The following CIMIP6 variants were observed in gnomAD, a reference collection of about 807,000 sequenced individuals.
CIMIP6 encodes the protein ciliary microtubule inner protein 6, also known as uncharacterized protein C2orf73.
the CIMIP6 span, among the ~76,000 whole-genome samples, chr2:54,359,916 A>G: frequency 1.3e-5 from 2 of 152,244 alleles, no homozygotes; most frequent in African/African-American, 2.4e-5. Flanking sequence ...ATAGTCTTAA[A>G]CAGTCCAAAT....
chr2:54,369,475 G>A, the CIMIP6 span, among the ~76,000 whole-genome samples: 1 of 152,070 alleles, frequency 6.6e-6, no homozygotes, highest in African/African-American at 2.4e-5. Flanking sequence ...CTTGGGTTGT[G>A]GGTCATCTTA....
the CIMIP6 span, among the ~76,000 whole-genome samples, chr2:54,334,304 A>G: frequency 6.6e-6 from 1 of 152,178 alleles, no homozygotes; most frequent in African/African-American, 2.4e-5. Context: ...ACTGCCACAT[A>G]GTGTTCTTTT....
the CIMIP6 span, among the ~76,000 whole-genome samples, chr2:54,382,451 A>C: frequency 6.6e-6 from 1 of 152,218 alleles, no homozygotes; most frequent in African/African-American, 2.4e-5. Context: ...TGGTCCCAGC[A>C]TGCCTTTCCA....
the CIMIP6 span, among the ~76,000 whole-genome samples, chr2:54,373,803 C>A: frequency 6.6e-5 from 10 of 152,312 alleles, no homozygotes; most frequent in East Asian, 1.7e-3. Context: ...TGAGTTAGGG[C>A]TTTGCCTGCT....
At chr2:54,381,330 G>C in the CIMIP6 span, among the ~76,000 whole-genome samples, 1 of 152,178 alleles carries the variant, frequency 6.6e-6, no homozygotes, top group Admixed American at 6.5e-5. Flanking sequence ...GATGTTGAGC[G>C]AGTTGTTACA....
At chr2:54,357,675 C>T in the CIMIP6 span, among the ~76,000 whole-genome samples, 1 of 150,776 alleles carries the variant, frequency 6.6e-6, no homozygotes, top group African/African-American at 2.4e-5. Flanking sequence ...CTCCCAGGTT[C>T]AAGTGATTCT....
the CIMIP6 span, among the ~76,000 whole-genome samples, chr2:54,349,879 C>T: frequency 6.7e-6 from 1 of 148,180 alleles, no homozygotes; most frequent in African/African-American, 2.5e-5. Flanking sequence ...GACGGAGTCT[C>T]GCTCTGTCGC....
the CIMIP6 span, among the ~76,000 whole-genome samples, chr2:54,376,254 A>G: frequency 1.3e-5 from 2 of 151,424 alleles, no homozygotes; most frequent in African/African-American, 2.4e-5. Context: ...ATGTTGCCCG[A>G]GCTGGTCTGC....
the CIMIP6 span, among the ~76,000 whole-genome samples, chr2:54,337,473 G>A: frequency 6.6e-6 from 1 of 152,204 alleles, no homozygotes; most frequent in Admixed American, 6.5e-5. Context: ...ATCCAGATTA[G>A]TGAAGTTCTT....
the CIMIP6 span, among the ~76,000 whole-genome samples, chr2:54,379,483 G>A: frequency 6.6e-6 from 1 of 152,140 alleles, no homozygotes; most frequent in Non-Finnish European, 1.5e-5. Context: ...TGGGGATGAG[G>A]TGAGATCTGC....
At chr2:54,334,835 T>C in the CIMIP6 span, 1 of 1,545,392 alleles carries the variant, frequency 6.5e-7, no homozygotes, top group South Asian at 1.2e-5. Context: ...AAATAGAGGA[T>C]GCTGCTATAA....
chr2:54,345,056 A>G, the CIMIP6 span, among the ~76,000 whole-genome samples: 1 of 152,194 alleles, frequency 6.6e-6, no homozygotes, highest in Admixed American at 6.5e-5. Flanking sequence ...TACTATTAAT[A>G]TTCTTATTTT....
the CIMIP6 span, among the ~76,000 whole-genome samples, chr2:54,351,448 A>T: frequency 6.6e-6 from 1 of 152,224 alleles, no homozygotes; most frequent in East Asian, 1.9e-4. Context: ...GCAGCCATAA[A>T]AAGGAATGAG....
the CIMIP6 span, among the ~76,000 whole-genome samples, chr2:54,352,299 T>C: frequency 6.6e-6 from 1 of 152,164 alleles, no homozygotes; most frequent in Admixed American, 6.5e-5. Flanking sequence ...TAAATTTGTT[T>C]TATATTGGTT....
chr2:54,334,038 C>G, the CIMIP6 span, among the ~76,000 whole-genome samples: 6 of 152,158 alleles, frequency 3.9e-5, no homozygotes, highest in Non-Finnish European at 8.8e-5. Flanking sequence ...ATTGACTCAC[C>G]TGCTGTGGGA....
the CIMIP6 span, chr2:54,360,411 T>A: frequency 2.0e-5 from 32 of 1,605,032 alleles, no homozygotes; most frequent in East Asian, 6.7e-4. Flanking sequence ...AAAACTCACT[T>A]ATCAGAAACA....
At chr2:54,349,425 T>C in the CIMIP6 span, among the ~76,000 whole-genome samples, 4 of 152,226 alleles carry the variant, frequency 2.6e-5, no homozygotes, top group Non-Finnish European at 4.4e-5. Flanking sequence ...GCAAATTGTA[T>C]GTTTGAATAA....
At chr2:54,338,271 AAAAT>A in the CIMIP6 span, among the ~76,000 whole-genome samples, 3 of 152,002 alleles carry the variant, frequency 2.0e-5, no homozygotes, top group Admixed American at 6.6e-5. Flanking sequence ...GAGCGCTACA[AAAAT>A]AAATAAATAA....
At chr2:54,374,571 A>T in the CIMIP6 span, among the ~76,000 whole-genome samples, 908 of 152,352 alleles carry the variant, frequency 6.0e-3, 17 homozygotes, top group African/African-American at 0.021. Flanking sequence ...CTCCATTTAA[A>T]GAACTTAAAT....
Sources: gnomAD v4.1 joint callset for allele counts (sites outside exome capture counted in the v4.1 genomes callset) on GRCh38, gnomAD v4.1.1 for gene constraint, MANE v1.5 for transcripts, NCBI Gene and HGNC (gene_info 2026-07-23, HGNC 2026-07-21) for gene names.